PTK7: variants seen among roughly 807,000 people sequenced by gnomAD.
PTK7 encodes protein tyrosine kinase 7 (inactive).
A neutral mutation model predicts 116.6 loss-of-function variants in PTK7; 39 were observed. That is an observed-to-expected ratio of 0.33 (90% CI 0.26 to 0.44). The LOEUF (loss-of-function observed/expected upper bound fraction) is 0.44, where lower values mean the gene tolerates loss of function less well. Ranked by LOEUF, PTK7 falls within the 20% of genes least tolerant of loss-of-function variation. The probability of loss-of-function intolerance (pLI) is 1.00; values close to 1 mark genes in which losing one functional copy is unlikely to be tolerated. For missense variants in PTK7, 1,169 were observed against 1,425.6 expected, an observed-to-expected ratio of 0.82 and a Z score of 2.90; for synonymous variants, 546 against 563.6, an observed-to-expected ratio of 0.97 and a Z score of 0.44.
chr6:43,123,926 CG>C (rs1262715934), intron 1 of PTK7, among the ~76,000 whole-genome samples: 2 of 152,172 alleles, frequency 1.3e-5, no homozygotes, highest in African/African-American at 4.8e-5. Context: ...CCCCATTTCA[CG>C]GCAAAGAAGG....
chr6:43,102,548 C>T (rs754259565), intron 1 of PTK7, among the ~76,000 whole-genome samples: 2 of 151,528 alleles, frequency 1.3e-5, no homozygotes, highest in Non-Finnish European at 2.9e-5. Flanking sequence ...GAGATCCTAC[C>T]ACTGCATTCC....
chr6:43,157,798 C>T (rs1771602895), intron 17 of PTK7, among the ~76,000 whole-genome samples: 2 of 151,996 alleles, frequency 1.3e-5, no homozygotes, highest in Non-Finnish European at 2.9e-5. Flanking sequence ...GCAATCTCGG[C>T]TCACCACAAC....
rs143047813 is a variant in PTK7, at chr6:43,160,822, C to T, written c.3154C>T (p.Pro1052Ser). Residue 1052 changes from proline to serine, a missense_variant, in exon 20 of 20, where the codon CCC becomes TCC. Physicochemically the swap from Pro to Ser is moderately conservative, Grantham distance 74. This residue lies in a region of PTK7 where 678 missense variants were observed against 853.8 expected (regional missense o/e 0.79). Coordinates refer to ENST00000230419, the MANE Select transcript of PTK7 (RefSeq NM_002821.5). ...CTGGGCCCTCAGCCCCAAGGACCGG[C>T]CCTCCTTCAGTGAGATTGCCAGCGC... ...RCWALSPKDR[P>S]SFSEIASALG... The T allele has an allele frequency of 5.0e-6, 8 of 1,614,190 alleles. No individual in the cohort carries two copies. The highest frequency in any genetic ancestry group is 6.8e-6 in the Non-Finnish European group (8 of 1,180,034).
At chr6:43,125,150 C>T (rs1443449573) in intron 1 of PTK7, among the ~76,000 whole-genome samples, 1 of 151,932 alleles carries the variant, frequency 6.6e-6, no homozygotes, top group Non-Finnish European at 1.5e-5. Context: ...CCAGCCTGGG[C>T]AACAAGAACG....
chr6:43,151,758 C>G (rs1159591066), intron 17 of PTK7, among the ~76,000 whole-genome samples: 1 of 150,166 alleles, frequency 6.7e-6, no homozygotes, highest in Non-Finnish European at 1.5e-5. Context: ...AGGATGGACA[C>G]AATCTCCTGA....
Position 43,085,723 on chromosome 6 carries a change from C to T in PTK7, c.79+9156C>T, listed in dbSNP as rs903549478. Among the ~76,000 whole-genome samples the T allele has an allele frequency of 6.0e-5, 9 of 150,912 alleles. No homozygotes were observed. In the East Asian group the frequency reaches 1.2e-3, roughly 20 times the overall value. ...CTGAGGCATGTGGATCACCTGAGGT[C>T]GGGAGTTCGAGACCAGCCTGACCAA... On this transcript the variant is annotated intron_variant, in intron 1 of 19. Transcript: ENST00000230419.
chr6:43,134,938 A>G (rs1769938319), intron 7 of PTK7, among the ~76,000 whole-genome samples: 1 of 151,988 alleles, frequency 6.6e-6, no homozygotes, highest in Non-Finnish European at 1.5e-5. Context: ...TGACAGCAAG[A>G]CCCTGTCTCC....
In PTK7 at chr6:43,092,462, T is replaced by C. The variant is rs760321825; in HGVS notation, c.79+15895T>C. 1.4e-4 allele frequency among the ~76,000 whole-genome samples: 21 copies of C among 152,324 alleles called. No homozygotes were observed. The Middle Eastern group carries it at 0.01, about 74-fold the overall frequency. On this transcript the variant is annotated intron_variant, in intron 1 of 19. Coordinates refer to ENST00000230419, the MANE Select transcript of PTK7 (RefSeq NM_002821.5). ...GGGATTACAGATGTCAAGTGCCTAA[T>C]GTATAAATGAAACTTTATTGTAGGT... is the stretch of plus-strand genomic sequence containing the variant.
chr6:43,129,585 C>T lies in PTK7; in HGVS notation c.368-142C>T. On this transcript the variant is annotated intron_variant, in intron 2 of 19. Coordinates refer to ENST00000230419, the MANE Select transcript of PTK7 (RefSeq NM_002821.5). This position sits in a 1 kb window ranked among gnomAD's most constrained non-coding sequence, Gnocchi z 4.5. The stretch of plus-strand genomic sequence containing the variant: ...CACTTAGTATCTGGTAACTGTAGCC[C>T]CAGCCTCAGCCTCCAGGGCTTCCTT... The T allele has an allele frequency of 4.0e-6, 3 of 753,182 alleles. No homozygotes were observed. The highest frequency in any genetic ancestry group is 6.6e-6 in the Non-Finnish European group (3 of 457,564). 46.7% of individuals were successfully genotyped at this position (753,182 alleles called of 1,614,324 possible).
intron 17 of PTK7, among the ~76,000 whole-genome samples, chr6:43,157,379 T>TTTC (rs1771564088): frequency 9.9e-6 from 1 of 100,888 alleles, no homozygotes. Context: ...TTTTTTTCTT[T>TTTC]TTTTTTTTTT....
chr6:43,157,861 G>A (rs1486431713), intron 17 of PTK7, among the ~76,000 whole-genome samples: 3 of 152,080 alleles, frequency 2.0e-5, no homozygotes, highest in Non-Finnish European at 4.4e-5. Flanking sequence ...CCAGTAGCTG[G>A]GATTATAGGC....
chr6:43,142,212 G>T lies in PTK7; in HGVS notation c.1960G>T (p.Val654Leu), dbSNP rs999703680. ...GAATGGCTCCCTGGTGATCCATGAC[G>T]TGGCCCCTGAGGACTCAGGCCGCTA... ...FQNGSLVIHD[V>L]APEDSGRYTC... The change falls in exon 13 of 20, where the codon GTG becomes TTG. Residue 654 changes from valine (V) to leucine (L), a missense_variant. This residue lies in a region of PTK7 where 678 missense variants were observed against 853.8 expected (regional missense o/e 0.79). Transcript: ENST00000230419. The T allele has an allele frequency of 9.3e-6, 15 of 1,614,076 alleles. No individual in the cohort carries two copies. Among genetic ancestry groups the T allele is most frequent in the Non-Finnish European group, 1.3e-5 (15 of 1,180,034 alleles).
chr6:43,124,263 G>T (rs1020078558), intron 1 of PTK7, among the ~76,000 whole-genome samples: 16 of 152,170 alleles, frequency 1.1e-4, no homozygotes, highest in African/African-American at 3.6e-4. Flanking sequence ...CTCTGTCATT[G>T]CTGTCCTCCA....
rs1561977821 is a variant in PTK7, at chr6:43,143,075, C to T, written c.2048-342C>T. On this transcript the variant is annotated intron_variant, in intron 13 of 19. Transcript: ENST00000230419. This position sits in a 1 kb window ranked among gnomAD's most constrained non-coding sequence, Gnocchi z 4.2. Reference sequence around the variant, plus strand: ...ATTCTAAACCTGAAGCTCCCAAATGCTGCTCTCCGGGGCCTGGCTCACATT... The same window carrying T: ...ATTCTAAACCTGAAGCTCCCAAATGTTGCTCTCCGGGGCCTGGCTCACATT... The T allele has an allele frequency of 4.3e-6, 1 of 235,276 alleles. No individual in the cohort carries two copies. Among genetic ancestry groups the T allele is most frequent in the Non-Finnish European group, 8.4e-6 (1 of 119,244 alleles). The allele number at this position is 235,276 out of a possible 1,614,324, so 14.6% of individuals were successfully genotyped here.
intron 1 of PTK7, among the ~76,000 whole-genome samples, chr6:43,111,806 C>T (rs368807689): frequency 1.1e-3 from 165 of 151,740 alleles, no homozygotes; most frequent in African/African-American, 3.5e-3. Context: ...TAGCTGGGAC[C>T]ACAGGTGCAT....
chr6:43,118,842 C>T (rs1768774987), intron 1 of PTK7, among the ~76,000 whole-genome samples: 1 of 149,234 alleles, frequency 6.7e-6, no homozygotes. Flanking sequence ...GATCTTGGCT[C>T]ACTGCAACCT....
At chr6:43,083,497 C>T (rs1766486189) in intron 1 of PTK7, among the ~76,000 whole-genome samples, 1 of 152,354 alleles carries the variant, frequency 6.6e-6, no homozygotes, top group African/African-American at 2.4e-5. Context: ...AGAGATGCCA[C>T]AGCTAATCAG....
At chr6:43,094,651 T>C (rs1767139023) in intron 1 of PTK7, among the ~76,000 whole-genome samples, 1 of 151,958 alleles carries the variant, frequency 6.6e-6, no homozygotes, top group Non-Finnish European at 1.5e-5. Context: ...TTTATTTTTC[T>C]GTATTTTTAG....
rs370691630 is a variant in PTK7, at chr6:43,129,134, C to T, written c.237C>T (p.Phe79=). The part of the protein sequence containing the change: ...GAPVQDTERR[F]AQGSSLSFAA... ...CTGTCCAGGACACGGAGCGGCGTTT[C>T]GCCCAGGGCAGCAGCCTGAGCTTTG... The change falls in exon 2 of 20, where the codon TTC becomes TTT. Residue 79 remains phenylalanine (F), a synonymous_variant. Transcript: ENST00000230419. This position sits in a 1 kb window ranked among gnomAD's most constrained non-coding sequence, Gnocchi z 4.5. 19 of 1,614,080 alleles carry T rather than the reference C, an allele frequency of 1.2e-5. No individual in the cohort carries two copies. Among genetic ancestry groups the T allele is most frequent in the Admixed American group, 1.0e-4 (6 of 60,010 alleles).
Sources: gnomAD v4.1 joint callset for allele counts (sites outside exome capture counted in the v4.1 genomes callset) on GRCh38, gnomAD v4.1.1 for gene constraint, gnomAD v4.1.1 regional missense constraint, Gnocchi (gnomAD v3.1) non-coding constraint, MANE v1.5 for transcripts, NCBI Gene and HGNC (gene_info 2026-07-23, HGNC 2026-07-21) for gene names.